GMFB: variants seen among roughly 807,000 people sequenced by gnomAD.
GMFB encodes the protein GMF-beta.
In GMFB, 13 loss-of-function variants were observed where a neutral mutation model predicts 25.6. The observed-to-expected ratio is 0.51, with a 90% CI of 0.33 to 0.81. The LOEUF is 0.81. Ranked by LOEUF, GMFB falls within the 30% of genes least tolerant of loss-of-function variation. The pLI, the probability that GMFB is intolerant of heterozygous loss-of-function variation, is 0.02. For missense variants in GMFB, 146 were observed against 175.4 expected, an observed-to-expected ratio of 0.83 and a Z score of 0.95; for synonymous variants, 57 against 56.9, an observed-to-expected ratio of 1.00 and a Z score of 0.00.
In GMFB at chr14:54,477,502, C is replaced by T. The variant is rs1166178267; in HGVS notation, c.*586G>A. On this transcript the variant is annotated 3_prime_UTR_variant, in exon 7 of 7. Coordinates refer to ENST00000358056, the MANE Select transcript of GMFB (RefSeq NM_004124.3). ...TAATTCTATCATAAAATCTAACTCC[C>T]GACCTTAAAAATGAGTGACTGATGA... 5.3e-5 allele frequency: 8 copies of T among 151,924 alleles called. No individual in the cohort carries two copies. The highest frequency in any genetic ancestry group is 1.9e-4 in the African/African-American group (8 of 41,364). The allele number at this position is 151,924 out of a possible 1,614,324, so 9.4% of individuals were successfully genotyped here.
intron 5 of GMFB, chr14:54,480,460 T>C (rs1167553916): frequency 1.8e-5 from 3 of 167,108 alleles, no homozygotes; most frequent in Non-Finnish European, 2.5e-5. Context: ...TAAATTACTC[T>C]AGGACCATTC....
chr14:54,482,905 T>A (rs1189659166), intron 2 of GMFB, among the ~76,000 whole-genome samples: 1 of 132,188 alleles, frequency 7.6e-6, no homozygotes, highest in African/African-American at 3.0e-5. Context: ...TCACTTTTAT[T>A]TTTTTTTCAC....
At chr14:54,488,591 T>C in intron 1 of GMFB, 1 of 316,306 alleles carries the variant, frequency 3.2e-6, no homozygotes, top group East Asian at 4.9e-5. Context: ...GGCAGACCCC[T>C]TTCCCTCCAA....
chr14:54,483,776 G>GAA lies in GMFB; in HGVS notation c.4-11_4-10dup. The GAA allele has an allele frequency of 1.3e-6, 2 of 1,491,018 alleles. No individual in the cohort carries two copies. Among genetic ancestry groups the GAA allele is most frequent in the Middle Eastern group, 1.7e-4 (1 of 5,838 alleles). The allele number at this position is 1,491,018 out of a possible 1,614,324, so 92.4% of individuals were successfully genotyped here. A position where few individuals can be genotyped will look rare whatever the true frequency, so the allele number is the denominator to read the frequency against. On this transcript the variant is annotated splice_polypyrimidine_tract_variant and intron_variant, in intron 1 of 6. Coordinates refer to ENST00000358056, the MANE Select transcript of GMFB (RefSeq NM_004124.3). ...ACAACCAAAGACTCACTCTATAAAA[G>GAA]AAAAAAAACACACATAAAATGCCAT... is the stretch of plus-strand genomic sequence containing the variant.
Position 54,478,058 on chromosome 14 carries a change from A to C in GMFB, c.*30T>G. 1 of 1,041,446 alleles carries C rather than the reference A, an allele frequency of 9.6e-7. No individual in the cohort carries two copies. Among genetic ancestry groups the C allele is most frequent in the Non-Finnish European group, 1.4e-6 (1 of 706,060 alleles). The allele number at this position is 1,041,446 out of a possible 1,614,324, so 64.5% of individuals were successfully genotyped here. On this transcript the variant is annotated 3_prime_UTR_variant, in exon 7 of 7. Transcript: ENST00000358056. ...GATTCCAGTATGGTCAGGTTAATAC[A>C]TAAATACTTTAGAAACACAGAAGTT...
chr14:54,483,481 A>T, intron 2 of GMFB, 190 bp downstream of exon 2: 1 of 563,038 alleles, frequency 1.8e-6, no homozygotes, highest in Non-Finnish European at 3.1e-6. Flanking sequence ...GGGAGGTGGG[A>T]CAATCCACCT....
chr14:54,484,719 T>C (rs1333989027), intron 1 of GMFB, among the ~76,000 whole-genome samples: 1 of 151,726 alleles, frequency 6.6e-6, no homozygotes, highest in Admixed American at 6.6e-5. Flanking sequence ...ACCAGACAAG[T>C]ATACAACAAC....
In GMFB at chr14:54,478,161, T is replaced by C; in HGVS notation, c.358-2A>G. 8.2e-7 allele frequency: 1 copy of C among 1,221,562 alleles called. No homozygotes were observed. Among genetic ancestry groups the C allele is most frequent in the Non-Finnish European group, 1.1e-6 (1 of 901,256 alleles). 75.7% of individuals were successfully genotyped at this position (1,221,562 alleles called of 1,614,324 possible). On this transcript the variant is annotated splice_acceptor_variant, in intron 6 of 6. Coordinates refer to ENST00000358056, the MANE Select transcript of GMFB (RefSeq NM_004124.3). LOFTEE classifies it high-confidence loss of function. ...TTCGGTATTTCTTATTTCAAATACC[T>C]TTAAAAAAAAAAAAAACTTGGGTCA...
At chr14:54,484,654 G>A (rs1037465631) in intron 1 of GMFB, among the ~76,000 whole-genome samples, 1 of 151,950 alleles carries the variant, frequency 6.6e-6, no homozygotes, top group African/African-American at 2.4e-5. Flanking sequence ...AAAATTGAAG[G>A]GGAGAACATA....
At chr14:54,479,418 C>T (rs1205657169) in intron 6 of GMFB, 2 of 163,130 alleles carry the variant, frequency 1.2e-5, no homozygotes, top group Non-Finnish European at 2.6e-5. Flanking sequence ...AATTCCAGCA[C>T]AGAACTCGGT....
At chr14:54,485,110 G>A (rs895175705) in intron 1 of GMFB, among the ~76,000 whole-genome samples, 1 of 151,874 alleles carries the variant, frequency 6.6e-6, no homozygotes, top group African/African-American at 2.4e-5. Flanking sequence ...TCTAAGTTCT[G>A]GAGTAAAACA....
At chr14:54,484,080 T>C (rs1374282858) in intron 1 of GMFB, 2 of 402,386 alleles carry the variant, frequency 5.0e-6, no homozygotes, top group Admixed American at 3.8e-5. Flanking sequence ...AAGGGAAGAA[T>C]ATGGGGAAAG....
In GMFB at chr14:54,477,394, A is replaced by G. The variant is rs918376495; in HGVS notation, c.*694T>C. The G allele has an allele frequency of 1.3e-5, 2 of 152,462 alleles. No individual in the cohort carries two copies. The highest frequency in any genetic ancestry group is 2.9e-5 in the Non-Finnish European group (2 of 67,906). 9.4% of individuals were successfully genotyped at this position (152,462 alleles called of 1,614,324 possible). The stretch of plus-strand genomic sequence containing the variant: ...CTAGATTCAAAACTGTCTAGAAATG[A>G]CATAAAAGGAATGAAGCCCTTGATT... On this transcript the variant is annotated 3_prime_UTR_variant, in exon 7 of 7. Transcript: ENST00000358056.
chr14:54,485,352 C>T lies in GMFB; in HGVS notation c.4-1585G>A, dbSNP rs527587185. On this transcript the variant is annotated intron_variant, in intron 1 of 6. Transcript: ENST00000358056. ...AAGTTTAGGATACAAAATCAACATACAAAAATCAGTAGCATTTATATACAA... is the reference window on the plus strand; with the variant it reads ...AAGTTTAGGATACAAAATCAACATATAAAAATCAGTAGCATTTATATACAA... 2.7e-5 allele frequency among the ~76,000 whole-genome samples: 4 copies of T among 149,660 alleles called. No individual in the cohort carries two copies. The East Asian group carries it at 7.9e-4, about 29-fold the overall frequency.
In GMFB at chr14:54,478,150, T is replaced by C; in HGVS notation, c.367A>G (p.Ile123Val). 7.4e-7 allele frequency: 1 copy of C among 1,344,606 alleles called. No homozygotes were observed. The highest frequency in any genetic ancestry group is 1.0e-6 in the Non-Finnish European group (1 of 1,002,182). 83.3% of individuals were successfully genotyped at this position (1,344,606 alleles called of 1,614,324 possible). ...TCAGTTAGGTCTTCGGTATTTCTTA[T>C]TTCAAATACCTTTAAAAAAAAAAAA... ...QTAELTKVFE[I>V]RNTEDLTEEW... Residue 123 changes from isoleucine (I) to valine (V), a missense_variant, in exon 7 of 7, where the codon ATA (isoleucine) becomes GTA (valine). By Grantham distance (29) the Ile-to-Val change is conservative. Transcript: ENST00000358056.
intron 1 of GMFB, among the ~76,000 whole-genome samples, chr14:54,488,014 A>G (rs1299625420): frequency 6.6e-6 from 1 of 152,182 alleles, no homozygotes; most frequent in Admixed American, 6.5e-5. Context: ...AAGAGAGTAT[A>G]ACACTCTGGA....
At chr14:54,480,049 AAACAAG>A (rs2031690774) in intron 5 of GMFB, 190 bp from the exon 6 acceptor site, 1 of 476,704 alleles carries the variant, frequency 2.1e-6, no homozygotes, top group African/African-American at 2.0e-5. Flanking sequence ...AGTTATAAAT[AAACAAG>A]AACAAGTCTA....
intron 5 of GMFB, chr14:54,480,443 C>T (rs2031695328): frequency 6.3e-6 from 1 of 158,100 alleles, no homozygotes; most frequent in Admixed American, 6.5e-5. Flanking sequence ...CATTTTAATA[C>T]CCAATGTAAA....
At chr14:54,484,380 C>A (rs930975855) in intron 1 of GMFB, among the ~76,000 whole-genome samples, 1 of 151,724 alleles carries the variant, frequency 6.6e-6, no homozygotes, top group African/African-American at 2.4e-5. Flanking sequence ...GCGATTGATA[C>A]CACAGAAATA....
Sources: allele counts gnomAD v4.1 joint callset (sites outside exome capture counted in the v4.1 genomes callset), GRCh38; gene constraint gnomAD v4.1.1; transcripts MANE v1.5; gene names NCBI Gene and HGNC (gene_info 2026-07-23, HGNC 2026-07-21).